Variants in ZDHHC3 observed in about 807,000 individuals in gnomAD.
ZDHHC3 encodes palmitoyltransferase ZDHHC3.
In ZDHHC3, 9 loss-of-function variants were observed where a neutral mutation model predicts 30.6. The observed-to-expected ratio is 0.29, with a 90% CI of 0.18 to 0.51. The LOEUF (loss-of-function observed/expected upper bound fraction) is 0.51, where lower values mean the gene tolerates loss of function less well. Ranked by LOEUF, ZDHHC3 falls within the 20% of genes least tolerant of loss-of-function variation. ZDHHC3 has a pLI of 0.97. For missense variants in ZDHHC3, 246 were observed against 384.2 expected, an observed-to-expected ratio of 0.64 and a Z score of 3.01; for synonymous variants, 136 against 140.2, an observed-to-expected ratio of 0.97 and a Z score of 0.21.
Position 44,922,276 on chromosome 3 carries a change from C to T in ZDHHC3, c.*4413G>A. ...GTCATGTATCCAGGCTGCTACAATG[C>T]CCCTGGCTCTAGACTACTCACCGGC... On this transcript the variant is annotated 3_prime_UTR_variant, in exon 7 of 7. Coordinates refer to ENST00000424952, the MANE Select transcript of ZDHHC3 (RefSeq NM_001135179.2). 1.0e-6 allele frequency: 1 copy of T among 985,310 alleles called. No homozygotes were observed. Among genetic ancestry groups the T allele is most frequent in the East Asian group, 1.1e-4 (1 of 8,828 alleles). 61.0% of individuals were successfully genotyped at this position (985,310 alleles called of 1,614,324 possible).
rs746062008 is a variant in ZDHHC3 at position 44,959,452 on chromosome 3, T to C, written c.-16A>G. 7 of 1,601,640 alleles carry C rather than the reference T, an allele frequency of 4.4e-6. No homozygotes were observed. Among genetic ancestry groups the C allele is most frequent in the South Asian group, 2.2e-5 (2 of 90,480 alleles). ...TAAGCATCATAAGCTATTCTGTCCA[T>C]ACTGGCATCTGAAAGAGAGAGGAAA... On this transcript the variant is annotated 5_prime_UTR_variant, in exon 2 of 7. It removes an upstream start codon present in the reference 5' UTR. Transcript: ENST00000424952. The surrounding 1 kb of genome is among the most constrained non-coding windows in gnomAD (Gnocchi z 4.3).
At position 44,917,949 on chromosome 3, in the gene ZDHHC3, C is replaced by T; in HGVS notation, c.*8740G>A. On this transcript the variant is annotated 3_prime_UTR_variant, in exon 7 of 7. Coordinates refer to ENST00000424952, the MANE Select transcript of ZDHHC3 (RefSeq NM_001135179.2). ...CGTCCTTTGTCTCCTCTGATGGATC[C>T]TCCATTGTTTCGGTGTCTGACAGCG... 14 of 1,305,340 alleles carry T rather than the reference C, an allele frequency of 1.1e-5. No homozygotes were observed. The highest frequency in any genetic ancestry group is 1.4e-5 in the Non-Finnish European group (14 of 988,970). 80.9% of individuals were successfully genotyped at this position (1,305,340 alleles called of 1,614,324 possible).
chr3:44,942,110 C>T (rs1297503123), intron 3 of ZDHHC3, among the ~76,000 whole-genome samples: 1 of 152,236 alleles, frequency 6.6e-6, no homozygotes, highest in East Asian at 1.9e-4. Flanking sequence ...GTGGTATCCA[C>T]CAGAGACAAG....
intron 1 of ZDHHC3, among the ~76,000 whole-genome samples, chr3:44,961,714 T>C (rs887087636): frequency 1.3e-5 from 2 of 152,370 alleles, no homozygotes; most frequent in East Asian, 1.9e-4. Flanking sequence ...ATTGAAGCTC[T>C]ACATTTTGAC....
At chr3:44,972,228 C>T (rs906557615) in intron 1 of ZDHHC3, among the ~76,000 whole-genome samples, 1 of 152,074 alleles carries the variant, frequency 6.6e-6, no homozygotes, top group African/African-American at 2.4e-5. Flanking sequence ...TTTGGGAGGC[C>T]AAGGCAGGCA....
In ZDHHC3 at chr3:44,973,489, G is replaced by C. The variant is rs184110843; in HGVS notation, c.-25+2444C>G. On this transcript the variant is annotated intron_variant, in intron 1 of 6. Coordinates refer to ENST00000424952, the MANE Select transcript of ZDHHC3 (RefSeq NM_001135179.2). ...TTATTTTTTTTTGAGATGGAGTTTCGCTCTTGTTGCCCAGGCTGGAGTGCA... is the reference window on the plus strand; with the variant it reads ...TTATTTTTTTTTGAGATGGAGTTTCCCTCTTGTTGCCCAGGCTGGAGTGCA... 3.9e-5 allele frequency among the ~76,000 whole-genome samples: 6 copies of C among 151,918 alleles called. No homozygotes were observed. The East Asian group carries it at 1.2e-3, about 29-fold the overall frequency.
chr3:44,947,017 C>A (rs1703001602), intron 2 of ZDHHC3, among the ~76,000 whole-genome samples: 2 of 152,114 alleles, frequency 1.3e-5, no homozygotes, highest in African/African-American at 4.8e-5. Flanking sequence ...GTTGATGGTC[C>A]AGTAAGGAAA....
Position 44,959,117 on chromosome 3 carries a change from C to T in ZDHHC3, c.306+14G>A, listed in dbSNP as rs376440181. ...AGAGTGTGGGCTGGTCAAAACAAGC[C>T]CAGACATACTCACGGGGTCCGTCAG... On this transcript the variant is annotated intron_variant, in intron 2 of 6. Coordinates refer to ENST00000424952, the MANE Select transcript of ZDHHC3 (RefSeq NM_001135179.2). This position sits in a 1 kb window ranked among gnomAD's most constrained non-coding sequence, Gnocchi z 4.3. 6.2e-7 allele frequency: 1 copy of T among 1,613,624 alleles called. No individual in the cohort carries two copies. The highest frequency in any genetic ancestry group is 8.5e-7 in the Non-Finnish European group (1 of 1,179,700).
chr3:44,975,785 C>A (rs1575987881), intron 1 of ZDHHC3, 148 bp downstream of exon 1: 1 of 157,940 alleles, frequency 6.3e-6, no homozygotes, highest in Non-Finnish European at 1.4e-5. Flanking sequence ...CACACACACA[C>A]ACACACACAC....
chr3:44,963,008 G>A (rs1575934493), intron 1 of ZDHHC3, among the ~76,000 whole-genome samples: 1 of 152,218 alleles, frequency 6.6e-6, no homozygotes, highest in Non-Finnish European at 1.5e-5. Flanking sequence ...CTGGCACAGA[G>A]TAGCCACTTA....
chr3:44,934,043 G>A lies in ZDHHC3; in HGVS notation c.432-59C>T, dbSNP rs1404481776. The A allele has an allele frequency of 3.3e-6, 5 of 1,525,500 alleles. No individual in the cohort carries two copies. In the Admixed American group the frequency reaches 8.4e-5, roughly 25 times the overall value. 94.5% of individuals were successfully genotyped at this position (1,525,500 alleles called of 1,614,324 possible). ...TCCCCATGGTGTTGGGAGGGCCCCG[G>A]GGGAACGCAGAACCCATGGCTCCTG... On this transcript the variant is annotated intron_variant, in intron 3 of 6. Transcript: ENST00000424952.
Position 44,917,721 on chromosome 3 carries a change from G to C in ZDHHC3, c.*8968C>G, listed in dbSNP as rs918452569. ...GTCCCCAGCCTACTCCCGACCCCCA[G>C]ACCTGGCCCAACATGGAGAGAAGAA... is the stretch of plus-strand genomic sequence containing the variant. On this transcript the variant is annotated 3_prime_UTR_variant, in exon 7 of 7. Coordinates refer to ENST00000424952, the MANE Select transcript of ZDHHC3 (RefSeq NM_001135179.2). The C allele has an allele frequency of 2.8e-6, 2 of 721,732 alleles. No individual in the cohort carries two copies. Among genetic ancestry groups the C allele is most frequent in the African/African-American group, 3.7e-5 (2 of 53,598 alleles). 44.7% of individuals were successfully genotyped at this position (721,732 alleles called of 1,614,324 possible).
chr3:44,969,102 A>G (rs375105295), intron 1 of ZDHHC3, among the ~76,000 whole-genome samples: 39 of 152,210 alleles, frequency 2.6e-4, no homozygotes, highest in African/African-American at 8.9e-4. Context: ...CAGCTACCCA[A>G]TGAACACTTG....
At position 44,959,471 on chromosome 3, in the gene ZDHHC3, G is replaced by A; in HGVS notation, c.-24-11C>T. ...TGTCCATACTGGCATCTGAAAGAGA[G>A]AGGAAAGAATCCAGAAACTTGGTGT... On this transcript the variant is annotated splice_polypyrimidine_tract_variant and intron_variant, in intron 1 of 6. Transcript: ENST00000424952. The surrounding 1 kb of genome is among the most constrained non-coding windows in gnomAD (Gnocchi z 4.3). The A allele has an allele frequency of 6.3e-7, 1 of 1,587,714 alleles. No homozygotes were observed. Among genetic ancestry groups the A allele is most frequent in the Non-Finnish European group, 8.6e-7 (1 of 1,163,246 alleles).
Position 44,925,632 on chromosome 3 carries a change from GCAT to G in ZDHHC3, c.*1054_*1056del, listed in dbSNP as rs893858733. On this transcript the variant is annotated 3_prime_UTR_variant, in exon 7 of 7. Coordinates refer to ENST00000424952, the MANE Select transcript of ZDHHC3 (RefSeq NM_001135179.2). ...GGGTGGGGACTGTGAGGTAACCCCAGCATCATGGTCATCTCCATGCCAGGACAA... is the reference window on the plus strand; with the variant it reads ...GGGTGGGGACTGTGAGGTAACCCCAGCATGGTCATCTCCATGCCAGGACAA... 1.0e-6 allele frequency: 1 copy of G among 985,342 alleles called. No homozygotes were observed. The highest frequency in any genetic ancestry group is 1.2e-6 in the Non-Finnish European group (1 of 829,954). The allele number at this position is 985,342 out of a possible 1,614,324, so 61.0% of individuals were successfully genotyped here. A position where few individuals can be genotyped will look rare whatever the true frequency, so the allele number is the denominator to read the frequency against.
chr3:44,962,479 A>T (rs1168744591), intron 1 of ZDHHC3, among the ~76,000 whole-genome samples: 1 of 147,260 alleles, frequency 6.8e-6, no homozygotes, highest in Non-Finnish European at 1.5e-5. Context: ...GGAAATCTTA[A>T]AACAGAAAGG....
intron 3 of ZDHHC3, among the ~76,000 whole-genome samples, chr3:44,942,334 T>C (rs1469719124): frequency 6.6e-6 from 1 of 152,168 alleles, no homozygotes. Flanking sequence ...CCACGCACCA[T>C]CACAAAGGAG....
At chr3:44,963,512 A>AC (rs397776145) in intron 1 of ZDHHC3, among the ~76,000 whole-genome samples, 2 of 150,840 alleles carry the variant, frequency 1.3e-5, no homozygotes, top group Non-Finnish European at 3.0e-5. Context: ...AAAAAAAAAA[A>AC]CCCACCACGA....
chr3:44,953,093 T>G (rs1204543800), intron 2 of ZDHHC3, among the ~76,000 whole-genome samples: 1 of 152,190 alleles, frequency 6.6e-6, no homozygotes, highest in Non-Finnish European at 1.5e-5. Context: ...TGTTAGTTAC[T>G]TCTGACAACA....
Sources: gnomAD v4.1 joint callset for allele counts (sites outside exome capture counted in the v4.1 genomes callset) on GRCh38, gnomAD v4.1.1 for gene constraint, Gnocchi (gnomAD v3.1) non-coding constraint, MANE v1.5 for transcripts, NCBI Gene and HGNC (gene_info 2026-07-23, HGNC 2026-07-21) for gene names.